The following RGS6 variants were observed in gnomAD, a reference collection of about 807,000 sequenced individuals.
RGS6 encodes regulator of G protein signaling 6, also known as regulator of G-protein signaling 6.
RGS6 carries 30 observed loss-of-function variants against 78.5 expected under a neutral mutation model. The ratio of observed to expected loss-of-function variants is 0.38; its 90% CI spans 0.29 to 0.52. The LOEUF is 0.52. Ranked by LOEUF, RGS6 falls within the 20% of genes least tolerant of loss-of-function variation. The pLI is 0.85. For missense variants in RGS6, 495 were observed against 609.7 expected (o/e 0.81, Z 1.98); for synonymous variants, 206 against 206.0 (o/e 1.00, Z 0.00).
chr14:72,226,109 A>G (rs904889952), intron 2 of RGS6, among the ~76,000 whole-genome samples: 3 of 152,236 alleles, frequency 2.0e-5, no homozygotes, highest in South Asian at 4.1e-4. Context: ...CTGGAAAACT[A>G]AGAATAAATA....
At chr14:71,872,765 G>A in the RGS6 span, among the ~76,000 whole-genome samples, 1 of 152,068 alleles carries the variant, frequency 6.6e-6, no homozygotes, top group Non-Finnish European at 1.5e-5. Context: ...TTTACATTGG[G>A]TATATCTCCT....
At chr14:72,597,941 A>T in the RGS6 span, among the ~76,000 whole-genome samples, 3 of 152,116 alleles carry the variant, frequency 2.0e-5, no homozygotes, top group African/African-American at 7.2e-5. Flanking sequence ...AACCCACCCC[A>T]TTCCCACTCA....
At chr14:72,038,940 TATGGTGTGAAATAGGA>T (rs2092072022) in intron 2 of RGS6, among the ~76,000 whole-genome samples, 2 of 152,178 alleles carry the variant, frequency 1.3e-5, no homozygotes. Flanking sequence ...GGAATTCCAG[TATGGTGTGAAATAGGA>T]ATGGAGATAG....
chr14:72,206,608 G>GGA (rs2042768766), intron 2 of RGS6, among the ~76,000 whole-genome samples: 1 of 152,138 alleles, frequency 6.6e-6, no homozygotes, highest in Admixed American at 6.5e-5. Flanking sequence ...CGGGAGGAAA[G>GGA]GAGGAGCAAG....
At chr14:72,568,736 G>A (rs144004922), downstream of RGS6, among the ~76,000 whole-genome samples, 112 of 152,326 alleles carry the variant, frequency 7.4e-4, no homozygotes, top group African/African-American at 2.6e-3. Context: ...GGCTACTTCC[G>A]TGAGATTTGG....
chr14:72,349,279 T>C (rs952957130), intron 2 of RGS6, among the ~76,000 whole-genome samples: 1 of 152,248 alleles, frequency 6.6e-6, no homozygotes, highest in African/African-American at 2.4e-5. Flanking sequence ...TTGCTCCAGA[T>C]GTCTCTCATC....
intron 17 of RGS6, among the ~76,000 whole-genome samples, chr14:72,543,368 G>A (rs1423873067): frequency 1.3e-5 from 2 of 152,156 alleles, no homozygotes; most frequent in Admixed American, 6.5e-5. Flanking sequence ...GTTTCAGAAA[G>A]AGCTGTAACA....
In RGS6 at chr14:72,563,442, G is replaced by C. The variant is rs377302559; in HGVS notation, c.*975G>C. On this transcript the variant is annotated 3_prime_UTR_variant, in exon 18 of 18. Coordinates refer to ENST00000553525, the MANE Select transcript of RGS6 (RefSeq NM_001204424.2). ...GGATTGCAGGGCTGGCAGCCCCCAC[G>C]TGGTGGCATCCTGACAGGCACAGTG... 4.9e-4 allele frequency: 75 copies of C among 153,010 alleles called. No homozygotes were observed. Among genetic ancestry groups the C allele is most frequent in the African/African-American group, 1.6e-3 (67 of 41,550 alleles). The allele number at this position is 153,010 out of a possible 1,614,324, so 9.5% of individuals were successfully genotyped here.
chr14:72,495,645 C>T (rs1312186670), intron 13 of RGS6, among the ~76,000 whole-genome samples: 1 of 152,152 alleles, frequency 6.6e-6, no homozygotes, highest in Non-Finnish European at 1.5e-5. Flanking sequence ...TCACTGAATC[C>T]CCTCGACAGG....
intron 2 of RGS6, among the ~76,000 whole-genome samples, chr14:72,113,509 C>T (rs560391163): frequency 5.9e-5 from 9 of 152,310 alleles, no homozygotes; most frequent in East Asian, 3.8e-4. Flanking sequence ...TTTTATTTGA[C>T]GGGTATAGAG....
intron 3 of RGS6, among the ~76,000 whole-genome samples, chr14:72,426,130 G>A (rs1412584624): frequency 1.3e-5 from 2 of 152,080 alleles, no homozygotes; most frequent in African/African-American, 4.8e-5. Context: ...GTATGTTTAT[G>A]TTGAACTTAC....
At chr14:72,444,560 G>T (rs1035603160) in intron 3 of RGS6, among the ~76,000 whole-genome samples, 1 of 152,082 alleles carries the variant, frequency 6.6e-6, no homozygotes, top group Non-Finnish European at 1.5e-5. Flanking sequence ...ATCCTTTCTC[G>T]GTCTGGGGTC....
chr14:71,908,664 G>A, the RGS6 span, among the ~76,000 whole-genome samples: 1 of 152,150 alleles, frequency 6.6e-6, no homozygotes, highest in Non-Finnish European at 1.5e-5. Context: ...ATCAGGCAAA[G>A]CTTCCTAGGG....
At chr14:72,001,385 G>C (rs1484571403) in intron 2 of RGS6, among the ~76,000 whole-genome samples, 9 of 151,364 alleles carry the variant, frequency 5.9e-5, no homozygotes, top group Non-Finnish European at 1.2e-4. Context: ...TTCTCTCTAG[G>C]GCCTTTTCTA....
the RGS6 span, among the ~76,000 whole-genome samples, chr14:72,578,258 C>T: frequency 6.6e-6 from 1 of 152,202 alleles, no homozygotes; most frequent in South Asian, 2.1e-4. Flanking sequence ...TTCACATCCT[C>T]CTCCTTCCAT....
the RGS6 span, among the ~76,000 whole-genome samples, chr14:72,592,715 C>T: frequency 6.6e-6 from 1 of 152,212 alleles, no homozygotes; most frequent in Non-Finnish European, 1.5e-5. Flanking sequence ...TCCCTCATCT[C>T]AAATCTTGTG....
chr14:72,522,020 T>TTTTC (rs1361828216), intron 15 of RGS6, among the ~76,000 whole-genome samples: 2 of 152,222 alleles, frequency 1.3e-5, no homozygotes, highest in African/African-American at 2.4e-5. Context: ...TTTTGGTGTA[T>TTTTC]TTTCTTCCTT....
chr14:71,944,664 AG>A (rs1211061605), intron 1 of RGS6, among the ~76,000 whole-genome samples: 1 of 152,244 alleles, frequency 6.6e-6, no homozygotes, highest in Non-Finnish European at 1.5e-5. Context: ...TGGAAGAGAC[AG>A]GCTTCAGGAA....
At chr14:72,149,176 C>A (rs1378821504) in intron 2 of RGS6, among the ~76,000 whole-genome samples, 1 of 152,198 alleles carries the variant, frequency 6.6e-6, no homozygotes, top group South Asian at 2.1e-4. Flanking sequence ...TTAGCTTCTT[C>A]AGAGCTTGGT....
Sources: gnomAD v4.1 joint callset for allele counts (sites outside exome capture counted in the v4.1 genomes callset) on GRCh38, gnomAD v4.1.1 for gene constraint, MANE v1.5 for transcripts, NCBI Gene and HGNC (gene_info 2026-07-23, HGNC 2026-07-21) for gene names.